Variants in IMMP2L observed in about 807,000 individuals in gnomAD.
IMMP2L encodes the protein mitochondrial inner membrane protease subunit 2.
In IMMP2L, 18 loss-of-function variants were observed where a neutral mutation model predicts 19.3. That is an observed-to-expected ratio of 0.93 (90% CI 0.64 to 1.38). The LOEUF (loss-of-function observed/expected upper bound fraction) is 1.38, where lower values mean the gene tolerates loss of function less well. Among genes scored for constraint, IMMP2L ranks in the 40% most tolerant of loss-of-function variants. The pLI is 0.00. For missense variants in IMMP2L, 233 were observed against 218.2 expected (o/e 1.07, Z -0.43); for synonymous variants, 76 against 73.0 (o/e 1.04, Z -0.21).
intron 3 of IMMP2L, among the ~76,000 whole-genome samples, chr7:111,482,957 T>A (rs765093469): frequency 1.7e-4 from 26 of 151,946 alleles, no homozygotes; most frequent in Non-Finnish European, 3.5e-4. Context: ...TAAAGAGACA[T>A]AAAAAATAAA....
At position 111,213,908 on chromosome 7, in the gene IMMP2L, T is replaced by C. The variant is rs181977459; in HGVS notation, c.240-250343A>G. ...GACAGTCCTACAAATGTACCCCCTG[T>C]ATCTAAGATAAAAGGTGATTTAAAA... On this transcript the variant is annotated intron_variant, in intron 3 of 5. Transcript: ENST00000405709. This position sits in a 1 kb window ranked among gnomAD's most constrained non-coding sequence, Gnocchi z 4.8. Among the ~76,000 whole-genome samples, 371 of 152,270 alleles carry C rather than the reference T, an allele frequency of 2.4e-3. 2 individuals carry two copies. The highest frequency in any genetic ancestry group is 7.7e-3 in the African/African-American group (318 of 41,544).
chr7:111,437,479 C>T (rs894213337), intron 3 of IMMP2L, among the ~76,000 whole-genome samples: 1 of 151,824 alleles, frequency 6.6e-6, no homozygotes, highest in Non-Finnish European at 1.5e-5. Flanking sequence ...CCACTGCTAT[C>T]ACAGTTTTTA....
At chr7:111,544,257 G>A (rs1348219285) in intron 1 of IMMP2L, among the ~76,000 whole-genome samples, 1 of 151,714 alleles carries the variant, frequency 6.6e-6, no homozygotes, top group Non-Finnish European at 1.5e-5. Context: ...TGGGGTGGGG[G>A]GATGGGGTGG....
At chr7:111,088,502 AAGG>A (rs1300349420) in intron 3 of IMMP2L, among the ~76,000 whole-genome samples, 2 of 152,228 alleles carry the variant, frequency 1.3e-5, no homozygotes, top group South Asian at 4.1e-4. Flanking sequence ...GGAAGAAAAG[AAGG>A]AGAAGAAGGA....
intron 3 of IMMP2L, among the ~76,000 whole-genome samples, chr7:110,989,702 T>C (rs1278619739): frequency 6.6e-6 from 1 of 150,970 alleles, no homozygotes; most frequent in African/African-American, 2.4e-5. Flanking sequence ...TATACACCAA[T>C]GACAAAATTT....
At chr7:111,553,122 T>G (rs74982420) in intron 1 of IMMP2L, among the ~76,000 whole-genome samples, 3,242 of 152,238 alleles carry the variant, frequency 0.021, 80 homozygotes, top group Middle Eastern at 0.1. Context: ...ACAATCATTG[T>G]TGTTTTCAGC....
intron 3 of IMMP2L, among the ~76,000 whole-genome samples, chr7:111,268,578 T>C (rs1414540310): frequency 3.8e-5 from 1 of 26,380 alleles, no homozygotes; most frequent in Non-Finnish European, 7.3e-5. Flanking sequence ...TCTTTTTTTT[T>C]TTTTTTTTTT....
chr7:111,221,280 C>G (rs907037000), intron 3 of IMMP2L, among the ~76,000 whole-genome samples: 1 of 151,968 alleles, frequency 6.6e-6, no homozygotes, highest in African/African-American at 2.4e-5. Context: ...TCATACTGCT[C>G]TAGAGATAAT....
intron 3 of IMMP2L, among the ~76,000 whole-genome samples, chr7:111,017,418 A>G (rs755236261): frequency 2.2e-4 from 33 of 152,006 alleles, no homozygotes; most frequent in Non-Finnish European, 3.4e-4. Flanking sequence ...TCAAAAGTCT[A>G]GGATAACATA....
At position 111,224,236 on chromosome 7, in the gene IMMP2L, G is replaced by A. The variant is rs541833315; in HGVS notation, c.240-260671C>T. Among the ~76,000 whole-genome samples, 3 of 152,186 alleles carry A rather than the reference G, an allele frequency of 2.0e-5. No homozygotes were observed. In the East Asian group the frequency reaches 5.8e-4, roughly 30 times the overall value. ...TGAAATGCATTTCAGAACCACAAGT[G>A]AGAATGTCATTATTCTGACCCTTTC... On this transcript the variant is annotated intron_variant, in intron 3 of 5. Coordinates refer to ENST00000405709, the MANE Select transcript of IMMP2L (RefSeq NM_032549.4).
At chr7:110,948,585 G>A (rs1269834002) in intron 4 of IMMP2L, among the ~76,000 whole-genome samples, 1 of 152,126 alleles carries the variant, frequency 6.6e-6, no homozygotes, top group African/African-American at 2.4e-5. Flanking sequence ...TTTGTGTTAA[G>A]AAGAAACTGT....
At chr7:110,850,907 C>T (rs1806148345) in intron 5 of IMMP2L, among the ~76,000 whole-genome samples, 1 of 151,452 alleles carries the variant, frequency 6.6e-6, no homozygotes, top group African/African-American at 2.4e-5. Context: ...AGAAAATATG[C>T]CTCAATTAAA....
chr7:111,142,908 T>C lies in IMMP2L; in HGVS notation c.240-179343A>G, dbSNP rs1458635960. Among the ~76,000 whole-genome samples the C allele has an allele frequency of 2.6e-5, 4 of 152,152 alleles. No individual in the cohort carries two copies. The South Asian group carries it at 6.2e-4, about 24-fold the overall frequency. ...GATTTTATTTTTAGATAGTGATATC[T>C]TTTACGTTACAGACAGAAAGCTTGT... On this transcript the variant is annotated intron_variant, in intron 3 of 5. Transcript: ENST00000405709.
intron 2 of IMMP2L, among the ~76,000 whole-genome samples, chr7:111,508,888 T>C (rs1307547096): frequency 6.6e-6 from 1 of 152,156 alleles, no homozygotes; most frequent in African/African-American, 2.4e-5. Context: ...GGGGTTTCAC[T>C]GGGGACCCAC....
chr7:110,897,594 G>A (rs1444589982), intron 4 of IMMP2L, among the ~76,000 whole-genome samples: 2 of 152,106 alleles, frequency 1.3e-5, no homozygotes, highest in Non-Finnish European at 2.9e-5. Flanking sequence ...CTGCTCCTGG[G>A]ATAGTGCCAT....
At chr7:110,917,643 A>G (rs1403393199) in intron 4 of IMMP2L, among the ~76,000 whole-genome samples, 2 of 152,224 alleles carry the variant, frequency 1.3e-5, no homozygotes, top group African/African-American at 4.8e-5. Context: ...CTTTGCTTGC[A>G]TGTACATTCT....
intron 3 of IMMP2L, among the ~76,000 whole-genome samples, chr7:111,400,963 G>A (rs575710801): frequency 6.6e-6 from 1 of 151,720 alleles, no homozygotes; most frequent in African/African-American, 2.4e-5. Flanking sequence ...AATATATTCT[G>A]GTGAGGAAAG....
At chr7:110,706,910 T>A (rs2130688311) in intron 5 of IMMP2L, among the ~76,000 whole-genome samples, 1 of 152,130 alleles carries the variant, frequency 6.6e-6, no homozygotes, top group Non-Finnish European at 1.5e-5. Flanking sequence ...TGGTCATAAA[T>A]TCTTTCCCAA....
chr7:110,980,320 C>T (rs1395274012), intron 3 of IMMP2L, among the ~76,000 whole-genome samples: 3 of 151,040 alleles, frequency 2.0e-5, no homozygotes, highest in South Asian at 2.1e-4. Context: ...CTCCGCCTCC[C>T]GGGTTCACGC....
Sources: gnomAD v4.1 joint callset for allele counts (sites outside exome capture counted in the v4.1 genomes callset) on GRCh38, gnomAD v4.1.1 for gene constraint, Gnocchi (gnomAD v3.1) non-coding constraint, MANE v1.5 for transcripts, NCBI Gene and HGNC (gene_info 2026-07-23, HGNC 2026-07-21) for gene names.